AP3B1: variants seen among roughly 807,000 people sequenced by gnomAD.
AP3B1 encodes the protein AP-3 complex subunit beta-1.
AP3B1 carries 61 observed loss-of-function variants against 132.5 expected under a neutral mutation model. The observed-to-expected ratio is 0.46, with a 90% confidence interval of 0.37 to 0.57. The LOEUF (loss-of-function observed/expected upper bound fraction) is 0.57. AP3B1 is among the 20% of genes least tolerant of loss of function. AP3B1 has a pLI of 0.00. For synonymous variants in AP3B1, 388 were observed against 438.3 expected, an observed-to-expected ratio of 0.89 and a Z score of 1.43; for missense variants, 1,120 against 1,289.4, an observed-to-expected ratio of 0.87 and a Z score of 2.01.
chr5:78,097,922 T>C (rs1375319013), intron 21 of AP3B1, among the ~76,000 whole-genome samples: 1 of 152,256 alleles, frequency 6.6e-6, no homozygotes, highest in East Asian at 1.9e-4. Flanking sequence ...CTTTTCATTT[T>C]GTTCTGTACT....
At chr5:78,141,566 G>A (rs1753148855) in intron 14 of AP3B1, among the ~76,000 whole-genome samples, 1 of 152,130 alleles carries the variant, frequency 6.6e-6, no homozygotes. Flanking sequence ...CGATGGTCTA[G>A]AATCTAGATT....
intron 7 of AP3B1, among the ~76,000 whole-genome samples, chr5:78,191,992 C>G (rs1744854051): frequency 6.6e-6 from 1 of 152,020 alleles, no homozygotes; most frequent in Non-Finnish European, 1.5e-5. Flanking sequence ...TCCTGAGTAG[C>G]TAGGGTTACA....
chr5:78,145,461 C>A (rs891873037), intron 14 of AP3B1, among the ~76,000 whole-genome samples: 1 of 152,194 alleles, frequency 6.6e-6, no homozygotes, highest in African/African-American at 2.4e-5. Context: ...AGGATCAGAA[C>A]TCCAAATCTG....
intron 13 of AP3B1, among the ~76,000 whole-genome samples, chr5:78,157,979 A>C (rs868291692): frequency 6.6e-6 from 1 of 152,020 alleles, no homozygotes; most frequent in Non-Finnish European, 1.5e-5. Context: ...TCAAACTCCT[A>C]ACCTCATGAT....
chr5:78,277,285 T>C (rs1306999774), intron 1 of AP3B1, among the ~76,000 whole-genome samples: 1 of 152,226 alleles, frequency 6.6e-6, no homozygotes, highest in Non-Finnish European at 1.5e-5. Flanking sequence ...ACATCCATTA[T>C]ATGCCAGAAG....
At chr5:78,164,471 T>A (rs1200619489) in intron 12 of AP3B1, among the ~76,000 whole-genome samples, 1 of 151,466 alleles carries the variant, frequency 6.6e-6, no homozygotes, top group East Asian at 1.9e-4. Context: ...AAGCAAAAAC[T>A]GGACAGTGAG....
intron 7 of AP3B1, among the ~76,000 whole-genome samples, chr5:78,213,038 C>T (rs866368906): frequency 6.6e-6 from 1 of 152,034 alleles, no homozygotes; most frequent in South Asian, 2.1e-4. Flanking sequence ...CCACCGTGCC[C>T]GGCTAATTTT....
chr5:78,109,983 C>T (rs372077945), intron 20 of AP3B1, among the ~76,000 whole-genome samples: 1 of 152,090 alleles, frequency 6.6e-6, no homozygotes, highest in African/African-American at 2.4e-5. Context: ...CCCCTTGTCA[C>T]AACCTAGCCA....
At chr5:78,285,248 CAAAA>C (rs369311356) in intron 1 of AP3B1, among the ~76,000 whole-genome samples, 1 of 133,366 alleles carries the variant, frequency 7.5e-6, no homozygotes, top group African/African-American at 2.8e-5. Context: ...GACTCTGTCT[CAAAA>C]AAAAAAAAAA....
At chr5:78,071,176 A>AG (rs1301034142) in intron 22 of AP3B1, among the ~76,000 whole-genome samples, 1 of 152,262 alleles carries the variant, frequency 6.6e-6, no homozygotes, top group African/African-American at 2.4e-5. Flanking sequence ...CATCTATGAT[A>AG]GACTGGATAA....
chr5:78,063,728 T>C (rs113768846), intron 22 of AP3B1, among the ~76,000 whole-genome samples: 68 of 152,316 alleles, frequency 4.5e-4, no homozygotes, highest in Middle Eastern at 3.4e-3. Context: ...GACTTTCACA[T>C]AGGAATGTTT....
intron 13 of AP3B1, among the ~76,000 whole-genome samples, chr5:78,158,373 C>T (rs1364302119): frequency 6.6e-6 from 1 of 151,992 alleles, no homozygotes; most frequent in African/African-American, 2.4e-5. Flanking sequence ...AGGAGAATCA[C>T]CTGGGCCAAG....
At chr5:78,199,986 A>G (rs1745225842) in intron 7 of AP3B1, among the ~76,000 whole-genome samples, 1 of 152,176 alleles carries the variant, frequency 6.6e-6, no homozygotes, top group Admixed American at 6.5e-5. Context: ...AAATCATATA[A>G]ACAAGTTATT....
At chr5:78,251,335 A>G (rs1747626541) in intron 2 of AP3B1, among the ~76,000 whole-genome samples, 1 of 152,200 alleles carries the variant, frequency 6.6e-6, no homozygotes, top group South Asian at 2.1e-4. Flanking sequence ...AACTATCTAC[A>G]CAGAAAAAAA....
At chr5:78,113,087 G>C (rs1270396053) in intron 19 of AP3B1, among the ~76,000 whole-genome samples, 1 of 152,218 alleles carries the variant, frequency 6.6e-6, no homozygotes, top group Non-Finnish European at 1.5e-5. Context: ...AGTGCTGTCA[G>C]CCACGACTGA....
intron 15 of AP3B1, among the ~76,000 whole-genome samples, chr5:78,139,281 G>A (rs913623313): frequency 2.0e-5 from 3 of 152,070 alleles, no homozygotes; most frequent in Non-Finnish European, 2.9e-5. Context: ...AAACCAGACA[G>A]AAAAAAATCC....
intron 21 of AP3B1, among the ~76,000 whole-genome samples, chr5:78,099,653 T>C (rs1196284048): frequency 2.0e-5 from 3 of 151,920 alleles, no homozygotes; most frequent in South Asian, 2.1e-4. Context: ...TCCCAGCACG[T>C]TGGGAAGCCG....
intron 6 of AP3B1, among the ~76,000 whole-genome samples, chr5:78,221,435 A>C (rs1746173575): frequency 6.6e-6 from 1 of 152,108 alleles, no homozygotes; most frequent in South Asian, 2.1e-4. Context: ...TGAAGATAGG[A>C]AATATAAATA....
rs3050076 is a variant in AP3B1, at chr5:78,055,016, GACACACACACACAC to G, written c.2578-15756_2578-15743del. On this transcript the variant is annotated intron_variant, in intron 22 of 26. Transcript: ENST00000255194. ...CATAAGACAGACAGACAGACCTACA[GACACACACACACAC>G]ACACACACACACACACACACACACA... Among the ~76,000 whole-genome samples the G allele has an allele frequency of 9.1e-3, 1,322 of 144,740 alleles. 14 individuals are homozygous for G. The highest frequency in any genetic ancestry group is 0.028 in the African/African-American group (1,084 of 39,300). 95.0% of individuals were successfully genotyped at this position (144,740 alleles called of 152,430 possible).
Sources: allele counts gnomAD v4.1 joint callset (sites outside exome capture counted in the v4.1 genomes callset), GRCh38; gene constraint gnomAD v4.1.1; transcripts MANE v1.5; gene names NCBI Gene and HGNC (gene_info 2026-07-23, HGNC 2026-07-21).